Variants in ABL1 observed in about 807,000 individuals in gnomAD.
ABL1 encodes the protein tyrosine-protein kinase ABL1.
In ABL1, 11 loss-of-function variants were observed where a neutral mutation model predicts 94.7. The ratio of observed to expected loss-of-function variants is 0.12; its 90% CI spans 0.07 to 0.19. ABL1 has a LOEUF of 0.19. Ranked by LOEUF, ABL1 falls within the 10% of genes least tolerant of loss-of-function variation. The pLI, the probability that ABL1 is intolerant of heterozygous loss-of-function variation, is 1.00. For synonymous variants in ABL1, 656 were observed against 622.4 expected, an observed-to-expected ratio of 1.05 and a Z score of -0.80; for missense variants, 1,082 against 1,489.4, an observed-to-expected ratio of 0.73 and a Z score of 4.50.
chr9:130,885,846 T>C lies in ABL1; in HGVS notation c.*163T>C. 1.1e-6 allele frequency: 1 copy of C among 923,004 alleles called. No individual in the cohort carries two copies. The highest frequency in any genetic ancestry group is 1.6e-6 in the Non-Finnish European group (1 of 634,026). The allele number at this position is 923,004 out of a possible 1,614,324, so 57.2% of individuals were successfully genotyped here. A position where few individuals can be genotyped will look rare whatever the true frequency, so the allele number is the denominator to read the frequency against. Reference sequence around the variant, plus strand: ...AGGGCCCTGTGGAGTCCAGCTCTACTACCTACGTTTGCACCGCCTGCCCTC... The same window carrying C: ...AGGGCCCTGTGGAGTCCAGCTCTACCACCTACGTTTGCACCGCCTGCCCTC... On this transcript the variant is annotated 3_prime_UTR_variant, in exon 11 of 11. Transcript: ENST00000318560.
At position 130,884,928 on chromosome 9, in the gene ABL1, C is replaced by T. The variant is rs1474577147; in HGVS notation, c.2638C>T (p.His880Tyr). 1.4e-5 allele frequency: 23 copies of T among 1,611,502 alleles called. No individual in the cohort carries two copies. Among genetic ancestry groups the T allele is most frequent in the Non-Finnish European group, 1.9e-5 (23 of 1,179,612 alleles). The change falls in exon 11 of 11, where the codon CAC (histidine) becomes TAC (tyrosine). Residue 880 changes from histidine (H) to tyrosine (Y), a missense_variant. His to Tyr is a moderately conservative substitution (Grantham distance 83). Coordinates refer to ENST00000318560, the MANE Select transcript of ABL1 (RefSeq NM_005157.6). This position sits in a 1 kb window ranked among gnomAD's most constrained non-coding sequence, Gnocchi z 5.6. Reference protein sequence around the residue: ...AEESRVRRHKHSSESPGRDKG... With the variant: ...AEESRVRRHKYSSESPGRDKG... Reference sequence around the variant, plus strand: ...GGAGTCCAGAGTGAGGAGGCACAAGCACTCCTCTGAGTCGCCAGGGAGGGA... The same window carrying T: ...GGAGTCCAGAGTGAGGAGGCACAAGTACTCCTCTGAGTCGCCAGGGAGGGA...
chr9:130,885,881 C>A lies in ABL1; in HGVS notation c.*198C>A. 1 of 659,002 alleles carries A rather than the reference C, an allele frequency of 1.5e-6. No individual in the cohort carries two copies. The highest frequency in any genetic ancestry group is 2.5e-6 in the Non-Finnish European group (1 of 399,816). The allele number at this position is 659,002 out of a possible 1,614,324, so 40.8% of individuals were successfully genotyped here. The stretch of plus-strand genomic sequence containing the variant: ...TGCACCGCCTGCCCTCCCGCACCTT[C>A]CTCCTCCCCGCTCCGTCTCTGTCCT... On this transcript the variant is annotated 3_prime_UTR_variant, in exon 11 of 11. Coordinates refer to ENST00000318560, the MANE Select transcript of ABL1 (RefSeq NM_005157.6).
In ABL1 at chr9:130,800,927, CCTTTTTTTTTTTTT is replaced by C. The variant is rs914110790; in HGVS notation, c.137-53127_137-53114del. Among the ~76,000 whole-genome samples the C allele has an allele frequency of 1.9e-4, 14 of 74,736 alleles. No homozygotes were observed. The South Asian group carries it at 4.3e-3, about 23-fold the overall frequency. 49.0% of individuals were successfully genotyped at this position (74,736 alleles called of 152,430 possible). ...TTTCACTTTCTTTTCCTTTTTCTTT[CCTTTTTTTTTTTTT>C]CTTTTTTTTGAGACAGTCTCTCTGT... On this transcript the variant is annotated intron_variant, in intron 1 of 10. Coordinates refer to the ABL1 transcript ENST00000372348.
At chr9:130,732,952 A>G (rs951637952) in intron 1 of ABL1, among the ~76,000 whole-genome samples, 2 of 152,208 alleles carry the variant, frequency 1.3e-5, no homozygotes, top group Non-Finnish European at 2.9e-5. Flanking sequence ...CTTAAAAAGT[A>G]GAGAATTCCT....
In ABL1 at chr9:130,835,467, G is replaced by C; in HGVS notation, c.21G>C (p.Lys7Asn). The C allele has an allele frequency of 6.4e-7, 1 of 1,561,422 alleles. No individual in the cohort carries two copies. The highest frequency in any genetic ancestry group is 8.7e-7 in the Non-Finnish European group (1 of 1,152,156). Residue 7 changes from lysine to asparagine, a missense_variant, in exon 1 of 11, where the codon AAG (lysine) becomes AAC (asparagine). Around this residue, in one of 7 missense-constraint regions of ABL1, gnomAD observed 65 missense variants for 80.8 expected, o/e 0.80. Coordinates refer to ENST00000318560, the MANE Select transcript of ABL1 (RefSeq NM_005157.6). This position sits in a 1 kb window ranked among gnomAD's most constrained non-coding sequence, Gnocchi z 4.6. Reference protein sequence around the residue: MLEICLKLVGCKSKKGL... With the variant: MLEICLNLVGCKSKKGL... ...GGAAAATGTTGGAGATCTGCCTGAA[G>C]CTGGTGGGCTGCAAATCCAAGAAGG...
chr9:130,807,340 C>T (rs138612554), intron 1 of ABL1, among the ~76,000 whole-genome samples: 2 of 151,650 alleles, frequency 1.3e-5, no homozygotes, highest in Non-Finnish European at 2.9e-5. Context: ...CCTCCACCTC[C>T]TGGGTTCAAG....
chr9:130,766,636 G>A (rs1832187179), intron 1 of ABL1, among the ~76,000 whole-genome samples: 1 of 151,992 alleles, frequency 6.6e-6, no homozygotes, highest in Non-Finnish European at 1.5e-5. Flanking sequence ...CTCCCCCCAG[G>A]GCCTTGCCAC....
intron 1 of ABL1, among the ~76,000 whole-genome samples, chr9:130,782,769 C>T (rs938456136): frequency 6.6e-6 from 1 of 152,152 alleles, no homozygotes; most frequent in African/African-American, 2.4e-5. Flanking sequence ...GGATTGGCTT[C>T]GTGGGAAGTT....
At chr9:130,859,784 G>A (rs1181610222) in intron 3 of ABL1, among the ~76,000 whole-genome samples, 2 of 142,730 alleles carry the variant, frequency 1.4e-5, no homozygotes, top group African/African-American at 2.6e-5. Flanking sequence ...AGGTTCGAGC[G>A]ATTCTCCTGC....
chr9:130,739,693 T>A (rs1259950048), intron 1 of ABL1, among the ~76,000 whole-genome samples: 2 of 152,226 alleles, frequency 1.3e-5, no homozygotes. Context: ...ATTTTATAAG[T>A]TGATCCAACC....
At chr9:130,827,938 G>T (rs185285985) in intron 1 of ABL1, among the ~76,000 whole-genome samples, 17 of 98,112 alleles carry the variant, frequency 1.7e-4, no homozygotes, top group African/African-American at 6.1e-4. Context: ...AATAAATAAA[G>T]CTATGCATTT....
At chr9:130,820,603 C>T (rs1338253424) in intron 1 of ABL1, among the ~76,000 whole-genome samples, 1 of 152,164 alleles carries the variant, frequency 6.6e-6, no homozygotes, top group African/African-American at 2.4e-5. Context: ...GGAATCATTT[C>T]AGGCTGACTG....
At position 130,855,081 on chromosome 9, in the gene ABL1, T is replaced by A; in HGVS notation, c.534T>A (p.Thr178=). The change falls in exon 3 of 11, where the codon ACT becomes ACA. Residue 178 remains threonine, a synonymous_variant. Coordinates refer to ENST00000318560, the MANE Select transcript of ABL1 (RefSeq NM_005157.6). ...GGGTGTACCATTACAGGATCAACAC[T>A]GCTTCTGATGGCAAGGTAGGGGACC... ...EGRVYHYRIN[T]ASDGKLYVSS... The A allele has an allele frequency of 6.2e-7, 1 of 1,613,292 alleles. No homozygotes were observed. Among genetic ancestry groups the A allele is most frequent in the African/African-American group, 1.3e-5 (1 of 75,016 alleles).
At chr9:130,788,512 T>C (rs1371896501) in intron 1 of ABL1, among the ~76,000 whole-genome samples, 1 of 152,244 alleles carries the variant, frequency 6.6e-6, no homozygotes, top group East Asian at 1.9e-4. Flanking sequence ...AGAATATTTT[T>C]ATTTAACCTA....
chr9:130,885,338 C>A lies in ABL1; in HGVS notation c.3048C>A (p.Arg1016=), dbSNP rs1831555810. ...CCCGAGTGTCTCTTCGGAAAACCCGCCAGCCTCCAGAGCGGATCGCCAGCG... is the reference window on the plus strand; with the variant it reads ...CCCGAGTGTCTCTTCGGAAAACCCGACAGCCTCCAGAGCGGATCGCCAGCG... ...ISTRVSLRKT[R]QPPERIASGA... Residue 1016 remains arginine (R), a synonymous_variant, in exon 11 of 11, where the codon CGC becomes CGA. Transcript: ENST00000318560. 6.2e-7 allele frequency: 1 copy of A among 1,613,662 alleles called. No homozygotes were observed. Among genetic ancestry groups the A allele is most frequent in the African/African-American group, 1.3e-5 (1 of 74,950 alleles).
At chr9:130,718,842 A>T (rs1251285611) in intron 1 of ABL1, among the ~76,000 whole-genome samples, 1 of 152,214 alleles carries the variant, frequency 6.6e-6, no homozygotes, top group African/African-American at 2.4e-5. Flanking sequence ...TGATCACGCC[A>T]CTGCACTGCA....
chr9:130,800,817 C>T (rs1830044747), intron 1 of ABL1, among the ~76,000 whole-genome samples: 1 of 152,122 alleles, frequency 6.6e-6, no homozygotes, highest in South Asian at 2.1e-4. Flanking sequence ...TTGCTTCCAA[C>T]TTGAGGCTAT....
chr9:130,761,111 C>CTACTAATAT (rs1832109227), intron 1 of ABL1, among the ~76,000 whole-genome samples: 1 of 152,102 alleles, frequency 6.6e-6, no homozygotes, highest in Non-Finnish European at 1.5e-5. Context: ...CCACGGCTGG[C>CTACTAATAT]TACTAATATT....
intron 1 of ABL1, among the ~76,000 whole-genome samples, chr9:130,805,615 G>A (rs111606888): frequency 2.0e-5 from 3 of 152,324 alleles, no homozygotes; most frequent in African/African-American, 7.2e-5. Flanking sequence ...GTTGGCTTCA[G>A]AGAGATAGGA....
Sources: gnomAD v4.1 joint callset for allele counts (sites outside exome capture counted in the v4.1 genomes callset) on GRCh38, gnomAD v4.1.1 for gene constraint, gnomAD v4.1.1 regional missense constraint, Gnocchi (gnomAD v3.1) non-coding constraint, MANE v1.5 for transcripts, NCBI Gene and HGNC (gene_info 2026-07-23, HGNC 2026-07-21) for gene names.